Variants in PRRG2 observed in about 807,000 individuals in gnomAD.
The protein encoded by PRRG2 is proline rich and Gla domain 2.
A neutral mutation model predicts 27.1 loss-of-function variants in PRRG2; 23 were observed. That is an observed-to-expected ratio of 0.85 (90% confidence interval 0.61 to 1.20). The LOEUF (loss-of-function observed/expected upper bound fraction) is 1.20, where lower values mean the gene tolerates loss of function less well. PRRG2 is among the 50% of genes most tolerant of loss of function. The probability of loss-of-function intolerance (pLI) is 0.00; values close to 1 mark genes in which losing one functional copy is unlikely to be tolerated. For synonymous variants in PRRG2, 104 were observed against 103.4 expected (o/e 1.01, Z -0.03); for missense variants, 276 against 254.8 (o/e 1.08, Z -0.57).
chr19:49,587,924 A>G (rs1179099544), intron 4 of PRRG2, among the ~76,000 whole-genome samples: 1 of 150,612 alleles, frequency 6.6e-6, no homozygotes, highest in African/African-American at 2.5e-5. Flanking sequence ...TGGCCAGGAC[A>G]TAGTTTTGTT....
chr19:49,587,825 G>T (rs573128666), intron 4 of PRRG2, among the ~76,000 whole-genome samples: 48 of 151,516 alleles, frequency 3.2e-4, no homozygotes, highest in African/African-American at 1.1e-3. Context: ...CACCACATTG[G>T]CCGGGCTGGT....
chr19:49,588,473 C>A, intron 4 of PRRG2, 24 bp from the exon 5 acceptor site: 1 of 1,580,382 alleles, frequency 6.3e-7, no homozygotes. Flanking sequence ...GAGACAGTGT[C>A]TCCCCTTCCC....
At chr19:49,589,412 C>T (rs2080697327) in intron 5 of PRRG2, among the ~76,000 whole-genome samples, 1 of 149,714 alleles carries the variant, frequency 6.7e-6, no homozygotes, top group Admixed American at 6.7e-5. Flanking sequence ...AGGTGTGAGC[C>T]ACCACGCCTG....
intron 2 of PRRG2, 65 bp from the exon 3 acceptor site, chr19:49,583,477 C>T (rs767970874): frequency 1.3e-6 from 2 of 1,572,246 alleles, no homozygotes; most frequent in Non-Finnish European, 1.7e-6. Flanking sequence ...CACTGCTTTC[C>T]ATCCCCCTAT....
At chr19:49,583,071 G>C in intron 1 of PRRG2, 136 bp from the exon 2 acceptor site, 1 of 660,120 alleles carries the variant, frequency 1.5e-6, no homozygotes, top group East Asian at 2.7e-5. Context: ...TAGGTAAACA[G>C]TATCTGGCAC....
In PRRG2 at chr19:49,583,286, A is replaced by C. The variant is rs1203114140; in HGVS notation, c.67A>C (p.Ser23Arg). The part of the protein sequence containing the change: ...ALTTCLDTSP[S>R]EETDQEVFLG... ...AACCACCTGCCTGGATACTTCACCC[A>C]GTGAGGAGACAGACCAAGGTGAGTG... The change falls in exon 2 of 7, where the codon AGT becomes CGT. Residue 23 changes from serine (S) to arginine (R), a missense_variant. Coordinates refer to ENST00000246794, the MANE Select transcript of PRRG2 (RefSeq NM_000951.3). 1.2e-6 allele frequency: 2 copies of C among 1,614,042 alleles called. No homozygotes were observed. Among genetic ancestry groups the C allele is most frequent in the Non-Finnish European group, 1.7e-6 (2 of 1,180,018 alleles).
intron 1 of PRRG2, among the ~76,000 whole-genome samples, chr19:49,582,485 G>T (rs2080634826): frequency 6.6e-6 from 1 of 151,900 alleles, no homozygotes; most frequent in African/African-American, 2.4e-5. Context: ...TTGAGGCCGG[G>T]CACAGTGGCT....
chr19:49,583,826 GA>G (rs2080647910), intron 3 of PRRG2, 86 bp from the exon 4 acceptor site: 1 of 1,604,016 alleles, frequency 6.2e-7, no homozygotes. Flanking sequence ...TGGTGTCTCA[GA>G]AATCAGGATG....
At chr19:49,584,361 G>A (rs113560768) in intron 4 of PRRG2, among the ~76,000 whole-genome samples, 6,109 of 151,920 alleles carry the variant, frequency 0.04, 177 homozygotes, top group South Asian at 0.12. Context: ...TAGTAGAGAC[G>A]GGGTTTCACC....
rs550145869 is a variant in PRRG2, at chr19:49,582,205, C to T, written c.-14+724C>T. ...ACAGTGAGCTGAGATAGCGCCACTG[C>T]ACTCCAGCCTGGGTGACAGAGCGAG... On this transcript the variant is annotated intron_variant, in intron 1 of 6. Transcript: ENST00000246794. Among the ~76,000 whole-genome samples, 16 of 145,348 alleles carry T rather than the reference C, an allele frequency of 1.1e-4. No individual in the cohort carries two copies. The East Asian group carries it at 3.3e-3, about 30-fold the overall frequency.
intron 4 of PRRG2, among the ~76,000 whole-genome samples, chr19:49,585,751 C>T (rs780602628): frequency 2.0e-5 from 3 of 151,922 alleles, no homozygotes; most frequent in Admixed American, 6.6e-5. Flanking sequence ...GAGCAGAGAT[C>T]GCACCATTGC....
At chr19:49,585,065 A>AG (rs1406721134) in intron 4 of PRRG2, among the ~76,000 whole-genome samples, 3 of 152,146 alleles carry the variant, frequency 2.0e-5, no homozygotes, top group South Asian at 2.1e-4. Flanking sequence ...CTTGTTGCTA[A>AG]GGGGGGCTGC....
chr19:49,589,976 C>T lies in PRRG2; in HGVS notation c.514C>T (p.Pro172Ser). ...GCCCCTGCCTCCACCCCCACCCCCA[C>T]CCCCAGGCCTCCCCACCTATGAGCA... ...PTPLPPPPPPPPGLPTYEQAL... is the reference protein window; with the variant it reads ...PTPLPPPPPPSPGLPTYEQAL... The change falls in exon 6 of 7, where the codon CCC becomes TCC. Residue 172 changes from proline (P) to serine (S), a missense_variant. Coordinates refer to ENST00000246794, the MANE Select transcript of PRRG2 (RefSeq NM_000951.3). 1.3e-6 allele frequency: 2 copies of T among 1,540,806 alleles called. No individual in the cohort carries two copies. Among genetic ancestry groups the T allele is most frequent in the Non-Finnish European group, 1.7e-6 (2 of 1,147,338 alleles).
rs1054805309 is a variant in PRRG2 at position 49,581,932 on chromosome 19, A to G, written c.-14+451A>G. Among the ~76,000 whole-genome samples the G allele has an allele frequency of 3.3e-5, 5 of 151,844 alleles. No homozygotes were observed. The South Asian group carries it at 1.0e-3, about 32-fold the overall frequency. On this transcript the variant is annotated intron_variant, in intron 1 of 6. Coordinates refer to ENST00000246794, the MANE Select transcript of PRRG2 (RefSeq NM_000951.3). Reference sequence around the variant, plus strand: ...TCTGTGCCTCAGTTTCCTGTTCTCTATACTGGGGATAATAATAGGACTCCT... The same window carrying G: ...TCTGTGCCTCAGTTTCCTGTTCTCTGTACTGGGGATAATAATAGGACTCCT...
Position 49,583,060 on chromosome 19 carries a change from A to G in PRRG2, c.-13-147A>G, listed in dbSNP as rs1417651138. On this transcript the variant is annotated intron_variant, in intron 1 of 6. Transcript: ENST00000246794. The stretch of plus-strand genomic sequence containing the variant: ...AAAAAAAAAAGTAAAATGAGTTTAT[A>G]TAGGTAAACAGTATCTGGCACAGAA... 22 of 629,420 alleles carry G rather than the reference A, an allele frequency of 3.5e-5. No individual in the cohort carries two copies. In the South Asian group the frequency reaches 4.3e-4, roughly 12 times the overall value. The allele number at this position is 629,420 out of a possible 1,614,324, so 39.0% of individuals were successfully genotyped here. A position where few individuals can be genotyped will look rare whatever the true frequency, so the allele number is the denominator to read the frequency against.
At chr19:49,584,793 A>G (rs1233902693) in intron 4 of PRRG2, among the ~76,000 whole-genome samples, 3 of 152,160 alleles carry the variant, frequency 2.0e-5, no homozygotes, top group African/African-American at 7.2e-5. Flanking sequence ...TGTCCCTAGG[A>G]AGGGAAAAGT....
upstream of PRRG2, chr19:49,581,197 T>C (rs3760707): frequency 0.27 from 40,369 of 151,976 alleles, 6,294 homozygotes; most frequent in African/African-American, 0.44. Context: ...CCCCCAGGTA[T>C]CCCATGGTAT....
In PRRG2 at chr19:49,590,577, G is replaced by A; in HGVS notation, c.*188G>A. The A allele has an allele frequency of 1.3e-6, 1 of 768,220 alleles. No individual in the cohort carries two copies. Among genetic ancestry groups the A allele is most frequent in the Non-Finnish European group, 2.1e-6 (1 of 474,942 alleles). The allele number at this position is 768,220 out of a possible 1,614,324, so 47.6% of individuals were successfully genotyped here. ...GCGTATGGATATACACATGTTTTCG[G>A]CAACGTGTTCCCGTGTCCTGGCCCC... On this transcript the variant is annotated 3_prime_UTR_variant, in exon 7 of 7. Transcript: ENST00000246794.
At chr19:49,585,903 A>G (rs2080665204) in intron 4 of PRRG2, among the ~76,000 whole-genome samples, 1 of 151,872 alleles carries the variant, frequency 6.6e-6, no homozygotes, top group South Asian at 2.1e-4. Flanking sequence ...AACATGGTGA[A>G]ACCCCATCTC....
Sources: gnomAD v4.1 joint callset for allele counts (sites outside exome capture counted in the v4.1 genomes callset) on GRCh38, gnomAD v4.1.1 for gene constraint, MANE v1.5 for transcripts, NCBI Gene and HGNC (gene_info 2026-07-23, HGNC 2026-07-21) for gene names.